The following PYY variants were observed in gnomAD, a reference collection of about 807,000 sequenced individuals.
PYY encodes the protein peptide tyrosine tyrosine.
Under a neutral mutation model 10.3 loss-of-function variants are expected in PYY, and 12 were observed. That is an observed-to-expected ratio of 1.17 (90% CI 0.75 to 1.89). PYY has a LOEUF of 1.89. Ranked by LOEUF, PYY falls within the 40% of genes most tolerant of loss-of-function variation. The pLI is 0.00. For synonymous variants in PYY, 66 were observed against 62.0 expected (o/e 1.06, Z -0.30); for missense variants, 141 against 134.0 (o/e 1.05, Z -0.26).
intron 2 of PYY, among the ~76,000 whole-genome samples, chr17:43,961,955 C>T (rs1567927384): frequency 6.6e-6 from 1 of 152,168 alleles, no homozygotes; most frequent in Non-Finnish European, 1.5e-5. Flanking sequence ...CCTCAATCCC[C>T]TGCCTGGAAG....
intron 1 of PYY, among the ~76,000 whole-genome samples, chr17:43,972,144 G>T (rs2048797635): frequency 6.6e-6 from 1 of 150,844 alleles, no homozygotes; most frequent in East Asian, 1.9e-4. Flanking sequence ...CAACAAAATG[G>T]TCAATTTTAT....
upstream of PYY, among the ~76,000 whole-genome samples, chr17:43,956,341 C>T (rs1003594024): frequency 2.1e-4 from 32 of 152,048 alleles, no homozygotes; most frequent in South Asian, 4.1e-4. Flanking sequence ...CATTAATCAC[C>T]GCCTCCTCAT....
chr17:43,975,367 T>C (rs12603224), intron 1 of PYY, among the ~76,000 whole-genome samples: 23,479 of 151,834 alleles, frequency 0.15, 2,824 homozygotes, highest in East Asian at 0.69. Context: ...AGCCTCACTG[T>C]AAAAAGAGAA....
At chr17:43,969,980 G>A (rs1233900549) in intron 1 of PYY, among the ~76,000 whole-genome samples, 2 of 151,822 alleles carry the variant, frequency 1.3e-5, no homozygotes, top group African/African-American at 2.4e-5. Flanking sequence ...CTGACCTCAT[G>A]ATACATCTGC....
At chr17:43,956,571 C>A (rs906264421), upstream of PYY, among the ~76,000 whole-genome samples, 6 of 151,966 alleles carry the variant, frequency 3.9e-5, no homozygotes, top group Non-Finnish European at 2.9e-5. Context: ...GGGTGGGGGA[C>A]AGAATCAAAG....
chr17:43,993,128 A>G (rs2048968867), intron 1 of PYY, among the ~76,000 whole-genome samples: 1 of 152,306 alleles, frequency 6.6e-6, no homozygotes, highest in East Asian at 1.9e-4. Context: ...AGCCTAGTCA[A>G]CATGGCAAAA....
At chr17:43,976,719 C>A (rs1326541556) in intron 1 of PYY, among the ~76,000 whole-genome samples, 2 of 152,168 alleles carry the variant, frequency 1.3e-5, no homozygotes, top group Non-Finnish European at 2.9e-5. Context: ...TTGCAGTGAG[C>A]CAAGATCACG....
chr17:43,999,058 G>A (rs1372152764), intron 1 of PYY, among the ~76,000 whole-genome samples: 1 of 152,160 alleles, frequency 6.6e-6, no homozygotes, highest in Non-Finnish European at 1.5e-5. Context: ...CAAGGCCTGA[G>A]CTCTGTGGTT....
At position 43,963,290 on chromosome 17, in the gene PYY, T is replaced by C. The variant is rs190279881; in HGVS notation, c.-218+2998A>G. ...TGGGAGGCTGAGGCAGGCGGATCAC[T>C]TGAAGTCAGGAGTTCTAGACTACTC... On this transcript the variant is annotated intron_variant, in intron 2 of 6. Coordinates refer to the PYY transcript ENST00000360085. 1.5e-3 allele frequency among the ~76,000 whole-genome samples: 228 copies of C among 152,040 alleles called. 2 individuals are homozygous for C. Among genetic ancestry groups the C allele is most frequent in the Admixed American group, 5.0e-3 (76 of 15,252 alleles).
intron 1 of PYY, among the ~76,000 whole-genome samples, chr17:44,001,988 A>T (rs905271479): frequency 2.0e-5 from 3 of 152,150 alleles, no homozygotes; most frequent in African/African-American, 7.2e-5. Flanking sequence ...CCTCCAGTGG[A>T]TTCTGAGAAG....
chr17:43,963,632 G>GAAAGAAAGA (rs1225899764), intron 2 of PYY, among the ~76,000 whole-genome samples: 8 of 143,182 alleles, frequency 5.6e-5, no homozygotes, highest in Non-Finnish European at 7.8e-5. Context: ...GAAAGAGAAA[G>GAAAGAAAGA]AAAGAAAAGA....
intron 1 of PYY, among the ~76,000 whole-genome samples, chr17:43,976,391 A>C (rs996234424): frequency 6.8e-6 from 1 of 147,854 alleles, no homozygotes; most frequent in African/African-American, 2.6e-5. Context: ...ACATGTATAC[A>C]TATACGTATA....
At chr17:43,997,326 A>G (rs545874927) in intron 1 of PYY, among the ~76,000 whole-genome samples, 3 of 152,292 alleles carry the variant, frequency 2.0e-5, no homozygotes, top group Non-Finnish European at 1.5e-5. Flanking sequence ...GGCATGAGCC[A>G]CTGCGCCTGG....
intron 2 of PYY, among the ~76,000 whole-genome samples, chr17:43,963,578 G>GAAAGAAAGAA (rs879664969): frequency 0.031 from 2,128 of 68,842 alleles, 60 homozygotes; most frequent in East Asian, 0.15. Flanking sequence ...GGAAAAGAAA[G>GAAAGAAAGAA]AAAGAAAGAA....
intron 1 of PYY, among the ~76,000 whole-genome samples, chr17:43,989,869 T>A (rs867689734): frequency 5.6e-4 from 1 of 1,800 alleles, no homozygotes; most frequent in African/African-American, 1.4e-3. Flanking sequence ...TATATATATA[T>A]ATATATATAT....
In PYY at chr17:43,987,875, G is replaced by A. The variant is rs760877029; in HGVS notation, c.-463+16516C>T. 1.3e-5 allele frequency among the ~76,000 whole-genome samples: 2 copies of A among 152,216 alleles called. No individual in the cohort carries two copies. Among genetic ancestry groups the A allele is most frequent in the African/African-American group, 4.8e-5 (2 of 41,460 alleles). On this transcript the variant is annotated intron_variant, in intron 1 of 6. Transcript: ENST00000360085. The surrounding 1 kb of genome is among the most constrained non-coding windows in gnomAD (Gnocchi z 4.0). ...GAGGAAGGGGGCAAGGATGGAGAAC[G>A]AGTGCTTCGGTAGCAGGGAGGGGCA...
chr17:44,003,375 G>T (rs1418783557), intron 1 of PYY, among the ~76,000 whole-genome samples: 1 of 152,158 alleles, frequency 6.6e-6, no homozygotes, highest in Non-Finnish European at 1.5e-5. Context: ...GGTTAAAGAG[G>T]GCCGGGCGTG....
intron 2 of PYY, among the ~76,000 whole-genome samples, chr17:43,962,387 T>C (rs1413181639): frequency 6.6e-6 from 1 of 152,198 alleles, no homozygotes; most frequent in Non-Finnish European, 1.5e-5. Context: ...ATTTGATATA[T>C]GTATACATTG....
intron 1 of PYY, among the ~76,000 whole-genome samples, chr17:43,974,711 T>C (rs1431436185): frequency 6.6e-6 from 1 of 152,134 alleles, no homozygotes; most frequent in Non-Finnish European, 1.5e-5. Flanking sequence ...AGTGGAGTTA[T>C]CTTTTGTTGC....
Sources: gnomAD v4.1 joint callset for allele counts (sites outside exome capture counted in the v4.1 genomes callset) on GRCh38, gnomAD v4.1.1 for gene constraint, Gnocchi (gnomAD v3.1) non-coding constraint, MANE v1.5 for transcripts, NCBI Gene and HGNC (gene_info 2026-07-23, HGNC 2026-07-21) for gene names.